Variants in AGBL1 observed in about 807,000 individuals in gnomAD.
AGBL1 encodes AGBL carboxypeptidase 1, also known as cytosolic carboxypeptidase 4.
AGBL1 carries 130 observed loss-of-function variants against 118.9 expected under a neutral mutation model. That is an observed-to-expected ratio of 1.09 (90% CI 0.95 to 1.26). AGBL1 has a LOEUF of 1.26. Ranked by LOEUF, AGBL1 falls within the 50% of genes most tolerant of loss-of-function variation. The probability of loss-of-function intolerance (pLI) is 0.00; values close to 1 mark genes in which losing one functional copy is unlikely to be tolerated. For synonymous variants in AGBL1, 555 were observed against 478.9 expected, an observed-to-expected ratio of 1.16 and a Z score of -2.08; for missense variants, 1,584 against 1,298.1, an observed-to-expected ratio of 1.22 and a Z score of -3.38.
rs548075268 is a variant in AGBL1, at chr15:86,991,739, G to A, written c.3323+3651G>A. ...TGTCAATTCTCTCTGACTTTAGCCC[G>A]TAGCACTGCGTATGGTTTCCTCACA... On this transcript the variant is annotated intron_variant, in intron 24 of 24. Coordinates refer to the AGBL1 transcript ENST00000441037. 1.2e-4 allele frequency among the ~76,000 whole-genome samples: 18 copies of A among 152,192 alleles called. No homozygotes were observed. In the East Asian group the frequency reaches 3.5e-3, roughly 29 times the overall value.
chr15:86,343,446 A>C (rs529134789), intron 17 of AGBL1, among the ~76,000 whole-genome samples: 1 of 152,128 alleles, frequency 6.6e-6, no homozygotes, highest in African/African-American at 2.4e-5. Flanking sequence ...ATCCTGTACT[A>C]TCCTTGCTGA....
intron 22 of AGBL1, among the ~76,000 whole-genome samples, chr15:86,677,029 CA>C (rs200243797): frequency 6.6e-6 from 1 of 151,656 alleles, no homozygotes; most frequent in Non-Finnish European, 1.5e-5. Flanking sequence ...CAAACAACAA[CA>C]AAAAAAATGC....
chr15:86,848,033 G>A (rs916299130), intron 22 of AGBL1, among the ~76,000 whole-genome samples: 4 of 152,004 alleles, frequency 2.6e-5, no homozygotes, highest in African/African-American at 9.7e-5. Context: ...AGTGTGGGGT[G>A]TTTTTTTCCT....
intron 21 of AGBL1, among the ~76,000 whole-genome samples, chr15:86,638,372 T>C: frequency 6.6e-6 from 1 of 152,206 alleles, no homozygotes; most frequent in South Asian, 2.1e-4. Context: ...AAGGAAGCGA[T>C]GTGCTGCATT....
At chr15:86,402,955 G>C (rs1187214539) in intron 18 of AGBL1, among the ~76,000 whole-genome samples, 1 of 152,196 alleles carries the variant, frequency 6.6e-6, no homozygotes, top group Non-Finnish European at 1.5e-5. Context: ...ATTGGGCTGA[G>C]TTCTAAGTAA....
At chr15:86,680,862 T>A (rs774149565) in intron 22 of AGBL1, among the ~76,000 whole-genome samples, 1 of 152,058 alleles carries the variant, frequency 6.6e-6, no homozygotes, top group Non-Finnish European at 1.5e-5. Context: ...CCACTGCACC[T>A]GGCCGCACCC....
chr15:86,304,609 A>G (rs1209208601), intron 17 of AGBL1, among the ~76,000 whole-genome samples: 1 of 152,172 alleles, frequency 6.6e-6, no homozygotes, highest in Non-Finnish European at 1.5e-5. Flanking sequence ...GAAATCCCTG[A>G]ACCTGTTCTT....
At chr15:86,494,901 C>T (rs752882848) in intron 18 of AGBL1, among the ~76,000 whole-genome samples, 3 of 151,120 alleles carry the variant, frequency 2.0e-5, no homozygotes, top group Non-Finnish European at 2.9e-5. Context: ...ACACTTAATG[C>T]TAATATTTAA....
chr15:86,828,811 G>T (rs564769577), intron 22 of AGBL1, among the ~76,000 whole-genome samples: 3 of 151,646 alleles, frequency 2.0e-5, no homozygotes, highest in African/African-American at 7.3e-5. Flanking sequence ...CAGCAAAAAG[G>T]ATTAACACAG....
chr15:86,271,667 C>G lies in AGBL1; in HGVS notation c.2036C>G (p.Pro679Arg), dbSNP rs2079164528. ...GTGAAGGAGGCTCTTCTTGGCAAAC[C>G]CACCTGGATAAGGACAGGCCATGAA... is the stretch of plus-strand genomic sequence containing the variant. ...YSVKEALLGK[P>R]TWIRTGHEIC... Residue 679 changes from proline (P) to arginine (R), a missense_variant, in exon 15 of 23, where the codon CCC becomes CGC. Transcript: ENST00000614907. The G allele has an allele frequency of 6.2e-7, 1 of 1,613,412 alleles. No individual in the cohort carries two copies. Among genetic ancestry groups the G allele is most frequent in the Non-Finnish European group, 8.5e-7 (1 of 1,179,466 alleles).
At chr15:86,760,996 G>A (rs193122455) in intron 22 of AGBL1, among the ~76,000 whole-genome samples, 2 of 152,194 alleles carry the variant, frequency 1.3e-5, no homozygotes, top group East Asian at 3.9e-4. Flanking sequence ...AGACAGATCT[G>A]TTCAGCAATT....
intron 18 of AGBL1, among the ~76,000 whole-genome samples, chr15:86,473,202 T>C (rs1012302862): frequency 5.3e-5 from 8 of 152,186 alleles, no homozygotes; most frequent in Non-Finnish European, 1.0e-4. Context: ...GTACTGGATT[T>C]TGTTCTAGGA....
chr15:86,134,510 T>G (rs1489341407), intron 1 of AGBL1, among the ~76,000 whole-genome samples: 1 of 151,958 alleles, frequency 6.6e-6, no homozygotes, highest in African/African-American at 2.4e-5. Context: ...CCCAGTCTAG[T>G]AAAATTGGAT....
chr15:87,024,851 A>C (rs1005512711), intron 24 of AGBL1, among the ~76,000 whole-genome samples: 1 of 152,122 alleles, frequency 6.6e-6, no homozygotes, highest in Non-Finnish European at 1.5e-5. Context: ...AATGTGATAC[A>C]CCACATAAAC....
At chr15:86,876,622 A>G (rs1185390568) in intron 22 of AGBL1, among the ~76,000 whole-genome samples, 1 of 152,086 alleles carries the variant, frequency 6.6e-6, no homozygotes, top group African/African-American at 2.4e-5. Context: ...TGCAAAGAGT[A>G]GTAAGTATTT....
chr15:86,514,626 A>G (rs116029138), intron 18 of AGBL1, among the ~76,000 whole-genome samples: 1,708 of 152,154 alleles, frequency 0.011, 26 homozygotes, highest in African/African-American at 0.039. Flanking sequence ...ACTTGGTTCT[A>G]AAAGTTGAAA....
chr15:86,267,674 AAAAG>A (rs2142043982), intron 13 of AGBL1, among the ~76,000 whole-genome samples: 1 of 152,346 alleles, frequency 6.6e-6, no homozygotes, highest in South Asian at 2.1e-4. Flanking sequence ...TGTACAAACT[AAAAG>A]AAAGGAAATA....
At chr15:86,437,839 C>A (rs1417319857) in intron 18 of AGBL1, among the ~76,000 whole-genome samples, 1 of 152,138 alleles carries the variant, frequency 6.6e-6, no homozygotes, top group Non-Finnish European at 1.5e-5. Flanking sequence ...CTCTCAATTG[C>A]CAACCAAATG....
rs1403733636 is a variant in AGBL1, at chr15:86,703,138, C to A, written c.3158+28702C>A. Among the ~76,000 whole-genome samples, 10 of 152,264 alleles carry A rather than the reference C, an allele frequency of 6.6e-5. No individual in the cohort carries two copies. In the East Asian group the frequency reaches 1.9e-3, roughly 29 times the overall value. Reference sequence around the variant, plus strand: ...ACTGGGTAGAGTGGTGATAATGAATCAATGTTTCCAACCATGGTTGTAGTA... The same window carrying A: ...ACTGGGTAGAGTGGTGATAATGAATAAATGTTTCCAACCATGGTTGTAGTA... On this transcript the variant is annotated intron_variant, in intron 22 of 22. Coordinates refer to ENST00000614907, the MANE Select transcript of AGBL1 (RefSeq NM_001386094.1).
Sources: gnomAD v4.1 joint callset for allele counts (sites outside exome capture counted in the v4.1 genomes callset) on GRCh38, gnomAD v4.1.1 for gene constraint, MANE v1.5 for transcripts, NCBI Gene and HGNC (gene_info 2026-07-23, HGNC 2026-07-21) for gene names.